TMEM117: variants seen among roughly 807,000 people sequenced by gnomAD.
TMEM117 encodes transmembrane protein 117.
Under a neutral mutation model 52.4 loss-of-function variants are expected in TMEM117, and 27 were observed. That is an observed-to-expected ratio of 0.51 (90% CI 0.38 to 0.71). The LOEUF (loss-of-function observed/expected upper bound fraction) is 0.71. Among genes scored for constraint, TMEM117 ranks in the 30% least tolerant of loss-of-function variants. The pLI, the probability that TMEM117 is intolerant of heterozygous loss-of-function variation, is 0.00. For synonymous variants in TMEM117, 215 were observed against 206.3 expected, an observed-to-expected ratio of 1.04 and a Z score of -0.36; for missense variants, 556 against 630.5, an observed-to-expected ratio of 0.88 and a Z score of 1.26.
At chr12:44,032,389 A>G (rs1946647280) in intron 3 of TMEM117, among the ~76,000 whole-genome samples, 1 of 152,206 alleles carries the variant, frequency 6.6e-6, no homozygotes, top group African/African-American at 2.4e-5. Context: ...ATTTAGGCTA[A>G]TGTTACTTAT....
the TMEM117 span, chr12:43,800,491 G>A: frequency 6.2e-7 from 1 of 1,613,664 alleles, no homozygotes; most frequent in African/African-American, 1.3e-5. Context: ...TCCTTCTTCA[G>A]AGTTGCTCTT....
intron 6 of TMEM117, among the ~76,000 whole-genome samples, chr12:44,374,345 T>G (rs1320889673): frequency 6.6e-6 from 1 of 152,050 alleles, no homozygotes; most frequent in African/African-American, 2.4e-5. Flanking sequence ...ATAGAAAGGA[T>G]GGATATGAAA....
rs116411333 is a variant in TMEM117 at position 43,858,762 on chromosome 12, T to A, written c.277+13834T>A. On this transcript the variant is annotated intron_variant, in intron 2 of 7. Coordinates refer to ENST00000266534, the MANE Select transcript of TMEM117 (RefSeq NM_032256.3). ...GTGAGTTGGAACTTGCTCTTCAGTA[T>A]CTCAGGGAAGAGTGTCTTTTATGTC... Among the ~76,000 whole-genome samples, 1,155 of 152,294 alleles carry A rather than the reference T, an allele frequency of 7.6e-3. 24 individuals are homozygous for A. The highest frequency in any genetic ancestry group is 0.026 in the African/African-American group (1,079 of 41,554).
intron 2 of TMEM117, among the ~76,000 whole-genome samples, chr12:43,894,659 T>C (rs999458802): frequency 1.3e-5 from 2 of 152,278 alleles, no homozygotes; most frequent in Admixed American, 1.3e-4. Flanking sequence ...TGGTTTTCTG[T>C]TCCTGCATTA....
At chr12:43,998,946 A>T (rs747556623) in intron 3 of TMEM117, among the ~76,000 whole-genome samples, 5 of 152,230 alleles carry the variant, frequency 3.3e-5, no homozygotes, top group Non-Finnish European at 5.9e-5. Flanking sequence ...ATGAAAACAC[A>T]TCTTAATTGA....
chr12:44,026,411 C>T (rs1473838771), intron 3 of TMEM117, among the ~76,000 whole-genome samples: 2 of 152,168 alleles, frequency 1.3e-5, no homozygotes, highest in Non-Finnish European at 2.9e-5. Flanking sequence ...TGTTGCTTTT[C>T]CCTGGGTTTC....
the TMEM117 span, among the ~76,000 whole-genome samples, chr12:43,826,128 G>A: frequency 6.6e-6 from 1 of 152,238 alleles, no homozygotes; most frequent in South Asian, 2.1e-4. Context: ...GTGGGTGGAT[G>A]CCAGCAATCA....
intron 6 of TMEM117, among the ~76,000 whole-genome samples, chr12:44,354,888 CATT>C (rs545031430): frequency 4.8e-4 from 73 of 151,952 alleles, no homozygotes; most frequent in Non-Finnish European, 8.8e-4. Context: ...ACTATAAAGA[CATT>C]AGTCACAGGA....
chr12:44,132,853 C>T (rs1045957035), intron 3 of TMEM117, among the ~76,000 whole-genome samples: 2 of 152,116 alleles, frequency 1.3e-5, no homozygotes, highest in Non-Finnish European at 2.9e-5. Context: ...ATCTAAGAGA[C>T]AGTTGAAGCA....
chr12:44,242,690 A>C (rs890854569), intron 5 of TMEM117, among the ~76,000 whole-genome samples: 2 of 147,912 alleles, frequency 1.4e-5, no homozygotes, highest in Non-Finnish European at 3.0e-5. Context: ...CATACATATT[A>C]TATATGTATA....
intron 3 of TMEM117, among the ~76,000 whole-genome samples, chr12:44,050,500 G>T (rs1946953785): frequency 6.6e-6 from 1 of 152,200 alleles, no homozygotes; most frequent in Admixed American, 6.5e-5. Context: ...TTCTTAAGCA[G>T]GTCAGAACTT....
intron 4 of TMEM117, among the ~76,000 whole-genome samples, chr12:44,150,558 G>A (rs1411635597): frequency 6.6e-6 from 1 of 152,158 alleles, no homozygotes; most frequent in Non-Finnish European, 1.5e-5. Context: ...TCATTTGATT[G>A]AAGCAAAGAG....
intron 3 of TMEM117, among the ~76,000 whole-genome samples, chr12:44,036,294 A>T (rs149127243): frequency 9.6e-4 from 147 of 152,362 alleles, no homozygotes; most frequent in African/African-American, 3.4e-3. Flanking sequence ...ACAGTTTTCT[A>T]CCTACCACTC....
intron 5 of TMEM117, among the ~76,000 whole-genome samples, chr12:44,223,257 A>C (rs1949814662): frequency 6.6e-6 from 1 of 151,974 alleles, no homozygotes; most frequent in South Asian, 2.1e-4. Flanking sequence ...TAGAAGGGAA[A>C]GATTTTTTTT....
chr12:44,091,578 G>A (rs1947672527), intron 3 of TMEM117, among the ~76,000 whole-genome samples: 1 of 152,086 alleles, frequency 6.6e-6, no homozygotes, highest in African/African-American at 2.4e-5. Flanking sequence ...CTAAGGAAGG[G>A]ACAATAAAAT....
chr12:44,026,992 A>G (rs1157815439), intron 3 of TMEM117, among the ~76,000 whole-genome samples: 1 of 151,658 alleles, frequency 6.6e-6, no homozygotes. Flanking sequence ...TGTTCTATCA[A>G]CTGTTTTACC....
At chr12:44,021,830 T>C (rs1946460100) in intron 3 of TMEM117, among the ~76,000 whole-genome samples, 1 of 152,190 alleles carries the variant, frequency 6.6e-6, no homozygotes, top group African/African-American at 2.4e-5. Context: ...CACCTGCCAC[T>C]GTCTCTGGAA....
chr12:44,371,329 C>T (rs1302477772), intron 6 of TMEM117, among the ~76,000 whole-genome samples: 1 of 152,144 alleles, frequency 6.6e-6, no homozygotes, highest in Admixed American at 6.5e-5. Context: ...GTAAAGTTGA[C>T]TTTTGATATC....
intron 3 of TMEM117, among the ~76,000 whole-genome samples, chr12:44,097,725 G>A (rs1462238561): frequency 7.4e-6 from 1 of 134,796 alleles, no homozygotes; most frequent in Non-Finnish European, 1.5e-5. Context: ...TGGGGTGGGG[G>A]GATGGGGGAG....
Sources: gnomAD v4.1 joint callset for allele counts (sites outside exome capture counted in the v4.1 genomes callset) on GRCh38, gnomAD v4.1.1 for gene constraint, MANE v1.5 for transcripts, NCBI Gene and HGNC (gene_info 2026-07-23, HGNC 2026-07-21) for gene names.